TRAPPC9: variants seen among roughly 807,000 people sequenced by gnomAD.
The protein encoded by TRAPPC9 is trafficking protein particle complex subunit 9.
Under a neutral mutation model 124.0 loss-of-function variants are expected in TRAPPC9, and 83 were observed. The ratio of observed to expected loss-of-function variants is 0.67; its 90% CI spans 0.56 to 0.80. The LOEUF is 0.80. Among genes scored for constraint, TRAPPC9 ranks in the 30% least tolerant of loss-of-function variants. The probability of loss-of-function intolerance (pLI) is 0.00; values close to 1 mark genes in which losing one functional copy is unlikely to be tolerated. For synonymous variants in TRAPPC9, 638 were observed against 617.5 expected (o/e 1.03, Z -0.49); for missense variants, 1,302 against 1,508.3 (o/e 0.86, Z 2.27).
At chr8:140,255,822 G>C (rs1172826859) in intron 15 of TRAPPC9, among the ~76,000 whole-genome samples, 1 of 152,204 alleles carries the variant, frequency 6.6e-6, no homozygotes, top group Non-Finnish European at 1.5e-5. Context: ...GGAGGTGGAG[G>C]TTGCAGTGAG....
chr8:140,336,880 T>C (rs1446910402), intron 9 of TRAPPC9, among the ~76,000 whole-genome samples: 1 of 149,632 alleles, frequency 6.7e-6, no homozygotes, highest in Non-Finnish European at 1.5e-5. Flanking sequence ...AGCATTAGAA[T>C]GAGTCTTCCA....
At chr8:140,160,760 G>A (rs575210548) in intron 17 of TRAPPC9, among the ~76,000 whole-genome samples, 9 of 152,002 alleles carry the variant, frequency 5.9e-5, no homozygotes, top group South Asian at 2.1e-4. Flanking sequence ...AAACCTGCAC[G>A]TTGGGCACTT....
intron 16 of TRAPPC9, among the ~76,000 whole-genome samples, chr8:140,247,279 A>T (rs997683284): frequency 6.6e-6 from 1 of 152,214 alleles, no homozygotes; most frequent in African/African-American, 2.4e-5. Flanking sequence ...CTGTATACCT[A>T]AAAGTTAGTG....
At chr8:140,439,286 C>G (rs904605889) in intron 2 of TRAPPC9, 89 bp from the exon 3 acceptor site, 15 of 1,432,578 alleles carry the variant, frequency 1.0e-5, no homozygotes, top group African/African-American at 1.4e-5. Flanking sequence ...TCTCTCACTA[C>G]TAAAAATGCT....
At chr8:140,124,955 C>T (rs1489099378) in intron 17 of TRAPPC9, among the ~76,000 whole-genome samples, 2 of 152,202 alleles carry the variant, frequency 1.3e-5, no homozygotes, top group African/African-American at 2.4e-5. Context: ...GAAAGAAAGC[C>T]CCATACCCTG....
At chr8:140,221,676 C>T in intron 16 of TRAPPC9, 93 bp from the exon 17 acceptor site, 1 of 1,493,960 alleles carries the variant, frequency 6.7e-7, no homozygotes, top group Non-Finnish European at 9.0e-7. Flanking sequence ...CTCGCTCTGT[C>T]GCACAAGCTG....
At chr8:139,876,937 G>T (rs766302977) in intron 21 of TRAPPC9, among the ~76,000 whole-genome samples, 3 of 152,240 alleles carry the variant, frequency 2.0e-5, no homozygotes, top group Non-Finnish European at 4.4e-5. Flanking sequence ...TCCAAGATAA[G>T]GCAGAGGACT....
At position 140,272,429 on chromosome 8, in the gene TRAPPC9, ATGGTAGTGATGGTGGTGC is replaced by A. The variant is rs930138235; in HGVS notation, c.2278+3211_2278+3228del. ...GATAATGGTGATGGTGATGGTGGTG[ATGGTAGTGATGGTGGTGC>A]TGGTGATGGCAGTGGTAGTGATGGT... On this transcript the variant is annotated intron_variant, in intron 15 of 22. Coordinates refer to ENST00000438773, the MANE Select transcript of TRAPPC9 (RefSeq NM_001160372.4). Among the ~76,000 whole-genome samples the A allele has an allele frequency of 2.7e-4, 37 of 139,268 alleles. 1 individual carries two copies. In the East Asian group the frequency reaches 5.7e-3, roughly 21 times the overall value. 91.4% of individuals were successfully genotyped at this position (139,268 alleles called of 152,430 possible).
intron 21 of TRAPPC9, among the ~76,000 whole-genome samples, chr8:139,859,079 T>C (rs1259508561): frequency 6.6e-6 from 1 of 150,978 alleles, no homozygotes; most frequent in Non-Finnish European, 1.5e-5. Context: ...GCTCTAGGAG[T>C]GGCGTGGAGG....
At chr8:139,864,926 G>A (rs1304666821) in intron 21 of TRAPPC9, among the ~76,000 whole-genome samples, 3 of 152,214 alleles carry the variant, frequency 2.0e-5, no homozygotes, top group African/African-American at 7.2e-5. Flanking sequence ...CAAGGGTGAC[G>A]CCATGAGCTC....
At chr8:140,364,292 CAAAA>C (rs34616334) in intron 8 of TRAPPC9, among the ~76,000 whole-genome samples, 4 of 53,056 alleles carry the variant, frequency 7.5e-5, no homozygotes, top group Non-Finnish European at 1.3e-4. Context: ...TCAAAGGATG[CAAAA>C]AAAAAAAAAA....
intron 19 of TRAPPC9, among the ~76,000 whole-genome samples, chr8:139,915,920 G>C (rs979222983): frequency 1.3e-5 from 2 of 152,212 alleles, no homozygotes; most frequent in African/African-American, 2.4e-5. Flanking sequence ...ACCCTGTGAG[G>C]AAGGGGCTTG....
At chr8:139,846,340 T>A (rs530689640) in intron 21 of TRAPPC9, among the ~76,000 whole-genome samples, 1 of 152,292 alleles carries the variant, frequency 6.6e-6, no homozygotes, top group African/African-American at 2.4e-5. Context: ...AGGGTGGGGA[T>A]CAGGATAACA....
At chr8:140,031,610 C>T (rs1359984421) in intron 17 of TRAPPC9, among the ~76,000 whole-genome samples, 1 of 152,200 alleles carries the variant, frequency 6.6e-6, no homozygotes, top group Non-Finnish European at 1.5e-5. Flanking sequence ...GGGGCTCATT[C>T]CCCAAGAGAC....
In TRAPPC9 at chr8:140,216,602, A is replaced by G. The variant is rs1159394765; in HGVS notation, c.2556+4857T>C. Among the ~76,000 whole-genome samples, 1 of 152,210 alleles carries G rather than the reference A, an allele frequency of 6.6e-6. No individual in the cohort carries two copies. The highest frequency in any genetic ancestry group is 1.5e-5 in the Non-Finnish European group (1 of 68,030). On this transcript the variant is annotated intron_variant, in intron 17 of 22. Transcript: ENST00000438773. This position sits in a 1 kb window ranked among gnomAD's most constrained non-coding sequence, Gnocchi z 4.1. ...TCCGCGTGCCTCTGAAACCCTTGGC[A>G]GCCTGGCCTGTCTCCTCTCAGCCCT...
chr8:140,427,902 T>C (rs1311061741), intron 4 of TRAPPC9, among the ~76,000 whole-genome samples: 1 of 152,218 alleles, frequency 6.6e-6, no homozygotes, highest in Non-Finnish European at 1.5e-5. Flanking sequence ...CTGCCAAGCA[T>C]GATGCTTAAC....
intron 17 of TRAPPC9, among the ~76,000 whole-genome samples, chr8:140,198,068 A>G (rs1219475313): frequency 6.6e-6 from 1 of 152,216 alleles, no homozygotes; most frequent in East Asian, 1.9e-4. Context: ...CACAGCATCC[A>G]CAGGGTGACC....
intron 19 of TRAPPC9, among the ~76,000 whole-genome samples, chr8:139,943,051 C>T (rs1362569512): frequency 3.3e-5 from 5 of 152,100 alleles, no homozygotes; most frequent in Non-Finnish European, 7.4e-5. Flanking sequence ...TCGAGATGTC[C>T]AAGAGGTAGA....
intron 17 of TRAPPC9, among the ~76,000 whole-genome samples, chr8:140,178,119 A>G (rs936511120): frequency 6.6e-6 from 1 of 152,032 alleles, no homozygotes; most frequent in Non-Finnish European, 1.5e-5. Flanking sequence ...ATCTGGGCAC[A>G]TTTTTTGTTC....
Sources: allele counts gnomAD v4.1 joint callset (sites outside exome capture counted in the v4.1 genomes callset), GRCh38; gene constraint gnomAD v4.1.1; non-coding constraint Gnocchi (gnomAD v3.1); transcripts MANE v1.5; gene names NCBI Gene and HGNC (gene_info 2026-07-23, HGNC 2026-07-21).